The following ITSN1 variants were observed in gnomAD, a reference collection of about 807,000 sequenced individuals.
The protein encoded by ITSN1 is intersectin-1.
A neutral mutation model predicts 239.8 loss-of-function variants in ITSN1; 58 were observed. The observed-to-expected ratio is 0.24, with a 90% CI of 0.20 to 0.30. The LOEUF is 0.30. Ranked by LOEUF, ITSN1 falls within the 10% of genes least tolerant of loss-of-function variation. The pLI is 1.00. For missense variants in ITSN1, 1,558 were observed against 2,103.3 expected (o/e 0.74, Z 5.07); for synonymous variants, 780 against 770.8 (o/e 1.01, Z -0.20).
At chr21:33,819,412 G>A in intron 24 of ITSN1, 89 bp downstream of exon 24, 1 of 924,268 alleles carries the variant, frequency 1.1e-6, no homozygotes, top group Admixed American at 2.0e-5. Flanking sequence ...TCTTAAGATA[G>A]ACTGCATTTA....
chr21:33,737,455 T>A (rs1601922774), intron 5 of ITSN1, among the ~76,000 whole-genome samples: 1 of 152,334 alleles, frequency 6.6e-6, no homozygotes, highest in Middle Eastern at 3.4e-3. Context: ...TCAAGTTTAC[T>A]TAAGTATTTT....
chr21:33,791,583 A>G (rs1019155479), intron 16 of ITSN1, among the ~76,000 whole-genome samples: 5 of 152,060 alleles, frequency 3.3e-5, no homozygotes, highest in African/African-American at 7.2e-5. Context: ...AAGCTTTTCA[A>G]TTTTATAGTC....
chr21:33,873,772 T>C (rs1983155616), intron 33 of ITSN1, among the ~76,000 whole-genome samples: 1 of 152,134 alleles, frequency 6.6e-6, no homozygotes. Flanking sequence ...CTCAGGAAGC[T>C]GTGGCAGGAG....
intron 16 of ITSN1, among the ~76,000 whole-genome samples, chr21:33,789,855 A>T (rs2070970352): frequency 6.6e-6 from 1 of 152,178 alleles, no homozygotes; most frequent in African/African-American, 2.4e-5. Flanking sequence ...TTTCTTGGGT[A>T]TTCAATTTGT....
At chr21:33,728,079 ATCAGCACCT>A (rs957866912) in intron 4 of ITSN1, among the ~76,000 whole-genome samples, 31 of 150,598 alleles carry the variant, frequency 2.1e-4, no homozygotes, top group African/African-American at 7.3e-4. Context: ...ATTCTTCTGC[ATCAGCACCT>A]TGACTAACTG....
chr21:33,664,196 G>A (rs1360431235), intron 1 of ITSN1, among the ~76,000 whole-genome samples: 1 of 152,184 alleles, frequency 6.6e-6, no homozygotes, highest in Non-Finnish European at 1.5e-5. Context: ...GGAAGGTCAA[G>A]TTAGAGCATC....
chr21:33,751,729 A>T, intron 6 of ITSN1, 81 bp from the exon 7 acceptor site: 1 of 1,046,604 alleles, frequency 9.6e-7, no homozygotes, highest in Non-Finnish European at 1.5e-6. Context: ...AGATTTGTTG[A>T]CTGTGCATTT....
chr21:33,654,029 C>T (rs1389992281), intron 1 of ITSN1, among the ~76,000 whole-genome samples: 1 of 151,856 alleles, frequency 6.6e-6, no homozygotes, highest in African/African-American at 2.4e-5. Context: ...TTCTTTCCTT[C>T]CTCTTTCTCT....
chr21:33,647,757 A>G (rs1248947754), intron 1 of ITSN1, among the ~76,000 whole-genome samples: 1 of 152,068 alleles, frequency 6.6e-6, no homozygotes, highest in Non-Finnish European at 1.5e-5. Flanking sequence ...CAGCCTCCCA[A>G]AGTGCTGGGA....
At chr21:33,738,142 G>A (rs8128359) in intron 5 of ITSN1, among the ~76,000 whole-genome samples, 2,546 of 151,914 alleles carry the variant, frequency 0.017, 41 homozygotes, top group Non-Finnish European at 0.028. Context: ...AAGGGAGATC[G>A]TGCCACTGCA....
intron 5 of ITSN1, among the ~76,000 whole-genome samples, chr21:33,738,748 A>G (rs2147299461): frequency 6.6e-6 from 1 of 152,020 alleles, no homozygotes. Context: ...ATTATCACCA[A>G]ACTAACTGGG....
Position 33,886,368 on chromosome 21 carries a change from A to T in ITSN1, c.4925A>T (p.Lys1642Met). ...ACGATCCAGGACACTCTGAACCCCA[A>T]GTGGAATTCCAACTGCCAGTTCTTC... ...TKTIQDTLNP[K>M]WNSNCQFFIR... is the part of the protein sequence containing the mutation. Residue 1642 changes from lysine to methionine, a missense_variant, in exon 39 of 40, where the codon AAG becomes ATG. By Grantham distance (95) the Lys-to-Met change is moderately conservative. This residue lies in a region of ITSN1 where 576 missense variants were observed against 893.3 expected (regional missense o/e 0.64). Coordinates refer to ENST00000381318, the MANE Select transcript of ITSN1 (RefSeq NM_003024.3). The T allele has an allele frequency of 6.2e-7, 1 of 1,613,964 alleles. No homozygotes were observed.
chr21:33,878,418 CTCTG>C (rs1984364396), intron 34 of ITSN1, among the ~76,000 whole-genome samples: 1 of 152,132 alleles, frequency 6.6e-6, no homozygotes, highest in South Asian at 2.1e-4. Context: ...CATTTTTTCT[CTCTG>C]TTTCTGTATA....
chr21:33,895,721 ATG>A lies in ITSN1; in HGVS notation c.*7426_*7427del, dbSNP rs1986738341. 6.6e-6 allele frequency: 1 copy of A among 151,854 alleles called. No individual in the cohort carries two copies. The highest frequency in any genetic ancestry group is 2.4e-5 in the African/African-American group (1 of 41,252). The allele number at this position is 151,854 out of a possible 1,614,324, so 9.4% of individuals were successfully genotyped here. A position where few individuals can be genotyped will look rare whatever the true frequency, so the allele number is the denominator to read the frequency against. On this transcript the variant is annotated 3_prime_UTR_variant, in exon 40 of 40. Coordinates refer to ENST00000381318, the MANE Select transcript of ITSN1 (RefSeq NM_003024.3). The stretch of plus-strand genomic sequence containing the variant: ...TGTGTGTGCGCGTGCGTGTGCGTGC[ATG>A]TGTGCGCATGCGTGTGTACCTACCC...
chr21:33,810,837 A>G (rs1329371841), intron 20 of ITSN1, 138 bp from the exon 21 acceptor site: 13 of 987,298 alleles, frequency 1.3e-5, no homozygotes, highest in Non-Finnish European at 1.8e-5. Flanking sequence ...TTTCCCAGAC[A>G]CTTGGACTAA....
rs10714954 is a variant in ITSN1 at position 33,748,989 on chromosome 21, CTT to C, written c.347-1139_347-1138del. On this transcript the variant is annotated intron_variant, in intron 5 of 39. Transcript: ENST00000381318. ...ATAAAAAAGAAGGTAAGCTTTTTTACTTTTTTTTTTTTTTTTGAGACAAGGAT... is the reference window on the plus strand; with the variant it reads ...ATAAAAAAGAAGGTAAGCTTTTTTACTTTTTTTTTTTTTTGAGACAAGGAT... Among the ~76,000 whole-genome samples the C allele has an allele frequency of 2.5e-3, 349 of 140,308 alleles. 1 individual carries two copies. The highest frequency in any genetic ancestry group is 4.8e-3 in the Admixed American group (68 of 14,120). 92.0% of individuals were successfully genotyped at this position (140,308 alleles called of 152,430 possible). A position where few individuals can be genotyped will look rare whatever the true frequency, so the allele number is the denominator to read the frequency against.
intron 29 of ITSN1, among the ~76,000 whole-genome samples, chr21:33,841,157 G>C (rs1237099605): frequency 6.6e-6 from 1 of 152,184 alleles, no homozygotes; most frequent in African/African-American, 2.4e-5. Context: ...GTAGAAACTG[G>C]TATCTTCCCT....
At chr21:33,679,216 C>G (rs1237405932) in intron 1 of ITSN1, among the ~76,000 whole-genome samples, 1 of 152,018 alleles carries the variant, frequency 6.6e-6, no homozygotes, top group Non-Finnish European at 1.5e-5. Flanking sequence ...GTGTTATTCC[C>G]TTTGTGTGTG....
At chr21:33,838,206 A>AG (rs982428636) in intron 29 of ITSN1, 14 of 985,300 alleles carry the variant, frequency 1.4e-5, no homozygotes, top group Non-Finnish European at 1.7e-5. Context: ...AAAATGGGGC[A>AG]GGGGGAGCCT....
Sources: allele counts gnomAD v4.1 joint callset (sites outside exome capture counted in the v4.1 genomes callset), GRCh38; gene constraint gnomAD v4.1.1; regional missense constraint gnomAD v4.1.1; transcripts MANE v1.5; gene names NCBI Gene and HGNC (gene_info 2026-07-23, HGNC 2026-07-21).